The following CDH18 variants were observed in gnomAD, a reference collection of about 807,000 sequenced individuals.
CDH18 encodes cadherin-18.
In CDH18, 31 loss-of-function variants were observed where a neutral mutation model predicts 67.9. The observed-to-expected ratio is 0.46, with a 90% confidence interval of 0.34 to 0.62. The LOEUF (loss-of-function observed/expected upper bound fraction) is 0.62. Among genes scored for constraint, CDH18 ranks in the 20% least tolerant of loss-of-function variants. The probability of loss-of-function intolerance (pLI) is 0.01; values close to 1 mark genes in which losing one functional copy is unlikely to be tolerated. For synonymous variants in CDH18, 362 were observed against 347.2 expected, an observed-to-expected ratio of 1.04 and a Z score of -0.48; for missense variants, 890 against 975.5, an observed-to-expected ratio of 0.91 and a Z score of 1.17.
intron 2 of CDH18, among the ~76,000 whole-genome samples, chr5:20,252,361 A>T (rs929530129): frequency 1.3e-5 from 2 of 150,974 alleles, no homozygotes; most frequent in Admixed American, 1.3e-4. Flanking sequence ...AACAAAAAAC[A>T]AAAAACAAAA....
chr5:20,409,677 G>C (rs961294553), intron 1 of CDH18, among the ~76,000 whole-genome samples: 6 of 151,248 alleles, frequency 4.0e-5, no homozygotes, highest in Middle Eastern at 3.2e-3. Context: ...AAAGCCAATA[G>C]AGAATGTAAA....
chr5:19,863,724 C>T (rs1416235509), intron 2 of CDH18, among the ~76,000 whole-genome samples: 4 of 152,142 alleles, frequency 2.6e-5, no homozygotes, highest in Non-Finnish European at 5.9e-5. Context: ...AGAAGGGAGG[C>T]ATAAAGCCTA....
At chr5:20,263,171 C>G (rs374892172) in intron 1 of CDH18, among the ~76,000 whole-genome samples, 1 of 152,102 alleles carries the variant, frequency 6.6e-6, no homozygotes, top group Non-Finnish European at 1.5e-5. Flanking sequence ...ATCAGAACTA[C>G]GCATGAAGCT....
intron 11 of CDH18, among the ~76,000 whole-genome samples, chr5:19,487,036 T>C (rs1740515379): frequency 6.6e-6 from 1 of 152,122 alleles, no homozygotes; most frequent in South Asian, 2.1e-4. Context: ...GCCAAGCTAG[T>C]AAAGCTAATG....
At chr5:20,222,954 C>T (rs138017681) in intron 2 of CDH18, among the ~76,000 whole-genome samples, 1 of 151,984 alleles carries the variant, frequency 6.6e-6, no homozygotes, top group African/African-American at 2.4e-5. Flanking sequence ...AGTAATAATA[C>T]TTGTAATATT....
intron 3 of CDH18, among the ~76,000 whole-genome samples, chr5:19,772,644 C>G (rs1218746949): frequency 2.6e-5 from 4 of 152,126 alleles, no homozygotes; most frequent in African/African-American, 9.7e-5. Context: ...CCTGCTAAAA[C>G]ATTAATAGTT....
At chr5:20,342,580 A>C (rs1740366486) in intron 1 of CDH18, among the ~76,000 whole-genome samples, 1 of 152,156 alleles carries the variant, frequency 6.6e-6, no homozygotes, top group African/African-American at 2.4e-5. Flanking sequence ...CTTGAAAAGA[A>C]CTGTTTGAGT....
intron 5 of CDH18, among the ~76,000 whole-genome samples, chr5:19,711,670 C>CAAAAAAAAAAAA (rs1764728086): frequency 1.8e-5 from 2 of 111,278 alleles, no homozygotes; most frequent in African/African-American, 3.4e-5. Flanking sequence ...AAAAAAAAAG[C>CAAAAAAAAAAAA]AAATGTTGGA....
intron 5 of CDH18, among the ~76,000 whole-genome samples, chr5:19,662,142 C>CT (rs70950081): frequency 0.57 from 83,410 of 147,618 alleles, 26,146 homozygotes; most frequent in East Asian, 0.74. Context: ...TTAAAGATGA[C>CT]TTTTTTTTTT....
chr5:20,268,347 G>A (rs149196575), intron 1 of CDH18, among the ~76,000 whole-genome samples: 25 of 152,190 alleles, frequency 1.6e-4, no homozygotes, highest in Non-Finnish European at 2.9e-5. Flanking sequence ...TCAGCAAACA[G>A]GGATAATTTA....
intron 2 of CDH18, among the ~76,000 whole-genome samples, chr5:19,889,045 C>T (rs777050469): frequency 3.3e-5 from 5 of 152,044 alleles, no homozygotes; most frequent in Non-Finnish European, 7.4e-5. Context: ...CTCCCATATA[C>T]TTCAAATCAT....
intron 1 of CDH18, among the ~76,000 whole-genome samples, chr5:20,538,378 T>C (rs1308799006): frequency 6.6e-6 from 1 of 152,184 alleles, no homozygotes; most frequent in East Asian, 1.9e-4. Flanking sequence ...ATTTATCTTA[T>C]GATTCTTCAC....
intron 3 of CDH18, among the ~76,000 whole-genome samples, chr5:19,808,819 C>T (rs1209727288): frequency 9.9e-5 from 10 of 101,014 alleles, no homozygotes; most frequent in East Asian, 5.6e-4. Flanking sequence ...GTGACAAGAG[C>T]GAAACTCTGT....
chr5:20,404,275 G>A (rs1746032438), intron 1 of CDH18, among the ~76,000 whole-genome samples: 1 of 152,168 alleles, frequency 6.6e-6, no homozygotes, highest in Non-Finnish European at 1.5e-5. Flanking sequence ...TCATTGGTGT[G>A]TTCACTGCAG....
At chr5:20,063,015 G>T (rs1742640638) in intron 2 of CDH18, among the ~76,000 whole-genome samples, 1 of 132,872 alleles carries the variant, frequency 7.5e-6, no homozygotes, top group Non-Finnish European at 1.5e-5. Context: ...TTGAGACAGA[G>T]TCTTGGTCTG....
At chr5:20,483,275 CA>C (rs1752940781) in intron 1 of CDH18, among the ~76,000 whole-genome samples, 1 of 151,178 alleles carries the variant, frequency 6.6e-6, no homozygotes, top group African/African-American at 2.4e-5. Flanking sequence ...AAGAGGACAC[CA>C]AAAAAGAAAA....
intron 2 of CDH18, among the ~76,000 whole-genome samples, chr5:20,164,714 C>A (rs4361520): frequency 0.29 from 43,832 of 151,916 alleles, 7,322 homozygotes; most frequent in Non-Finnish European, 0.37. Flanking sequence ...TTTAGAGATA[C>A]GGCCAAGAAT....
intron 2 of CDH18, among the ~76,000 whole-genome samples, chr5:20,097,642 A>C (rs950550198): frequency 6.6e-6 from 1 of 152,102 alleles, no homozygotes; most frequent in Non-Finnish European, 1.5e-5. Flanking sequence ...ATTATAATCT[A>C]CTTTTGGGTG....
At chr5:20,199,697 T>A (rs560589618) in intron 2 of CDH18, among the ~76,000 whole-genome samples, 2 of 152,160 alleles carry the variant, frequency 1.3e-5, no homozygotes, top group Admixed American at 1.3e-4. Flanking sequence ...GGTTTGGCTG[T>A]TTCCTCACCC....
Sources: gnomAD v4.1 joint callset for allele counts (sites outside exome capture counted in the v4.1 genomes callset) on GRCh38, gnomAD v4.1.1 for gene constraint, MANE v1.5 for transcripts, NCBI Gene and HGNC (gene_info 2026-07-23, HGNC 2026-07-21) for gene names.